Variants in FAM220A observed in about 807,000 individuals in gnomAD.
The protein encoded by FAM220A is family with sequence similarity 220 member A.
For synonymous variants in FAM220A, 141 were observed against 130.7 expected (o/e 1.08, Z -0.54); for missense variants, 392 against 321.6 (o/e 1.22, Z -1.68).
chr7:6,334,585 G>A (rs1212600695), intron 1 of FAM220A, among the ~76,000 whole-genome samples: 2 of 151,848 alleles, frequency 1.3e-5, no homozygotes, highest in South Asian at 2.1e-4. Context: ...TCCTGCCTAA[G>A]CCTCCTGAGT....
chr7:6,330,109 T>C lies in FAM220A; in HGVS notation c.*266A>G, dbSNP rs1781598187. ...CATGGTAAATCCGTATGTTCTAATC[T>C]GGTATTTATACAGGCTATGATCGTC... On this transcript the variant is annotated 3_prime_UTR_variant, in exon 2 of 2. Coordinates refer to ENST00000313324, the MANE Select transcript of FAM220A (RefSeq NM_001037163.2). 6.7e-6 allele frequency: 3 copies of C among 449,192 alleles called. No individual in the cohort carries two copies. The highest frequency in any genetic ancestry group is 1.2e-5 in the Non-Finnish European group (3 of 244,374). The allele number at this position is 449,192 out of a possible 1,614,324, so 27.8% of individuals were successfully genotyped here.
intron 1 of FAM220A, among the ~76,000 whole-genome samples, chr7:6,333,591 T>C (rs1456876952): frequency 1.3e-5 from 2 of 151,642 alleles, no homozygotes; most frequent in African/African-American, 2.4e-5. Context: ...CTGTAACTTC[T>C]GGGCTCAAGC....
rs757190608 is a variant in FAM220A at position 6,330,564 on chromosome 7, G to A, written c.591C>T (p.His197=). Residue 197 remains histidine (H), a synonymous_variant, in exon 2 of 2, where the codon CAC becomes CAT. Coordinates refer to ENST00000313324, the MANE Select transcript of FAM220A (RefSeq NM_001037163.2). ...CACTCAGGAGCACTTCGGGATACACGTGCAGCGTTGCAGACAGGATGGAGT... is the reference window on the plus strand; with the variant it reads ...CACTCAGGAGCACTTCGGGATACACATGCAGCGTTGCAGACAGGATGGAGT... ...CLHSILSATL[H]VYPEVLLSEE... is the part of the protein sequence containing the mutation. 3.7e-6 allele frequency: 6 copies of A among 1,614,170 alleles called. No homozygotes were observed. The highest frequency in any genetic ancestry group is 4.2e-6 in the Non-Finnish European group (5 of 1,180,024).
chr7:6,347,893 T>G (rs574307591), intron 1 of FAM220A, among the ~76,000 whole-genome samples: 1 of 142,704 alleles, frequency 7.0e-6, no homozygotes, highest in Non-Finnish European at 1.5e-5. Flanking sequence ...TTTATTATTA[T>G]TATTATTATT....
intron 1 of FAM220A, among the ~76,000 whole-genome samples, chr7:6,340,674 C>T (rs1329792868): frequency 2.0e-5 from 3 of 151,548 alleles, no homozygotes; most frequent in Non-Finnish European, 2.9e-5. Context: ...CCGAGGCGGG[C>T]GGATCACGAG....
intron 1 of FAM220A, among the ~76,000 whole-genome samples, chr7:6,334,804 C>CCT (rs60683708): frequency 4.0e-5 from 6 of 151,242 alleles, no homozygotes; most frequent in African/African-American, 1.2e-4. Flanking sequence ...GAGTTTCACT[C>CCT]GTTACCCAGG....
chr7:6,348,233 G>A (rs989992129), intron 1 of FAM220A, among the ~76,000 whole-genome samples: 19 of 40,758 alleles, frequency 4.7e-4, no homozygotes, highest in Admixed American at 7.0e-4. Context: ...TTAAAAATAA[G>A]GGGGGGGGTT....
At chr7:6,334,343 C>T (rs1410205622) in intron 1 of FAM220A, among the ~76,000 whole-genome samples, 2 of 151,404 alleles carry the variant, frequency 1.3e-5, no homozygotes, top group Middle Eastern at 6.3e-3. Flanking sequence ...CAAGACCAGC[C>T]TGAACAACAT....
chr7:6,334,827 G>A (rs961988604), intron 1 of FAM220A, among the ~76,000 whole-genome samples: 9 of 150,858 alleles, frequency 6.0e-5, no homozygotes, highest in African/African-American at 2.2e-4. Context: ...GGAGTACAAT[G>A]GCACGATCTC....
At chr7:6,337,422 AGT>A in intron 1 of FAM220A, among the ~76,000 whole-genome samples, 7 of 151,878 alleles carry the variant, frequency 4.6e-5, no homozygotes, top group African/African-American at 1.7e-4. Context: ...GCGCCCGCCC[AGT>A]ATTTTAATTC....
chr7:6,331,115 G>A lies in FAM220A; in HGVS notation c.40C>T (p.Gln14Ter), dbSNP rs760345510. 3.9e-5 allele frequency: 63 copies of A among 1,613,166 alleles called. No individual in the cohort carries two copies. The highest frequency in any genetic ancestry group is 5.3e-5 in the Non-Finnish European group (62 of 1,180,002). ...RRGPLGTCLA[Q>*]VQQAGGGDSD... ...TCACCTCCTCCGGCCTGCTGCACTTGTGCCAGGCAGGTGCCGAGGGGCCCT... is the reference window on the plus strand; with the variant it reads ...TCACCTCCTCCGGCCTGCTGCACTTATGCCAGGCAGGTGCCGAGGGGCCCT... The change falls in exon 2 of 2, where the codon CAA (glutamine) becomes TAA (stop). Residue 14 changes from glutamine (Q) to a stop codon, truncating the protein, a stop_gained. Coordinates refer to ENST00000313324, the MANE Select transcript of FAM220A (RefSeq NM_001037163.2). LOFTEE classifies it low-confidence loss of function (END_TRUNC).
chr7:6,341,006 T>A (rs1487000410), intron 1 of FAM220A, among the ~76,000 whole-genome samples: 2 of 137,926 alleles, frequency 1.5e-5, no homozygotes, highest in East Asian at 4.3e-4. Flanking sequence ...TAGCCAGGTG[T>A]GGTGGTGGGA....
rs77758620 is a variant in FAM220A at position 6,334,758 on chromosome 7, G to A, written c.-81-3523C>T. ...TAGGATTACAGGCGTGAGCCACCAC[G>A]CCCAGCCTGGATAGTTAGTTAGTTA... On this transcript the variant is annotated intron_variant, in intron 1 of 1. Coordinates refer to ENST00000313324, the MANE Select transcript of FAM220A (RefSeq NM_001037163.2). 4.4e-3 allele frequency among the ~76,000 whole-genome samples: 654 copies of A among 148,964 alleles called. 2 individuals are homozygous for A. The highest frequency in any genetic ancestry group is 0.016 in the African/African-American group (630 of 40,340).
chr7:6,330,330 A>G lies in FAM220A; in HGVS notation c.*45T>C. 6.5e-7 allele frequency: 1 copy of G among 1,541,516 alleles called. No homozygotes were observed. Among genetic ancestry groups the G allele is most frequent in the Non-Finnish European group, 8.8e-7 (1 of 1,137,350 alleles). Reference sequence around the variant, plus strand: ...ACTTAATGCGAAAGAAATCATTCTAAGACAACTCTTAAAATTAATCTATTG... The same window carrying G: ...ACTTAATGCGAAAGAAATCATTCTAGGACAACTCTTAAAATTAATCTATTG... On this transcript the variant is annotated 3_prime_UTR_variant, in exon 2 of 2. Coordinates refer to ENST00000313324, the MANE Select transcript of FAM220A (RefSeq NM_001037163.2).
intron 1 of FAM220A, among the ~76,000 whole-genome samples, chr7:6,343,108 G>T (rs1781894587): frequency 6.6e-6 from 1 of 151,446 alleles, no homozygotes; most frequent in Non-Finnish European, 1.5e-5. Flanking sequence ...CAGGTGCAGT[G>T]GCTTACACCT....
At chr7:6,343,409 TATATATATATA>T (rs1781901001) in intron 1 of FAM220A, among the ~76,000 whole-genome samples, 1 of 45,370 alleles carries the variant, frequency 2.2e-5, no homozygotes, top group African/African-American at 7.8e-5. Context: ...TATATATATA[TATATATATATA>T]TATATATATA....
At chr7:6,347,460 G>T (rs1365519352) in intron 1 of FAM220A, among the ~76,000 whole-genome samples, 1 of 151,788 alleles carries the variant, frequency 6.6e-6, no homozygotes. Flanking sequence ...AGGTTGCAGT[G>T]AGCTGAGATG....
At chr7:6,346,289 A>G (rs529964244) in intron 1 of FAM220A, among the ~76,000 whole-genome samples, 197 of 152,260 alleles carry the variant, frequency 1.3e-3, no homozygotes, top group Admixed American at 3.1e-3. Flanking sequence ...CTAATCAGGT[A>G]TAATTTCAGA....
chr7:6,347,856 C>G (rs1400815197), intron 1 of FAM220A, among the ~76,000 whole-genome samples: 2 of 149,920 alleles, frequency 1.3e-5, no homozygotes, highest in Non-Finnish European at 3.0e-5. Flanking sequence ...GAGTTCGAGA[C>G]CAGCCTGGGC....
Sources: gnomAD v4.1 joint callset for allele counts (sites outside exome capture counted in the v4.1 genomes callset) on GRCh38, gnomAD v4.1.1 for gene constraint, MANE v1.5 for transcripts, NCBI Gene and HGNC (gene_info 2026-07-23, HGNC 2026-07-21) for gene names.